Variants in COL6A2 observed in about 807,000 individuals in gnomAD.
COL6A2 encodes collagen type VI alpha 2 chain.
A neutral mutation model predicts 124.9 loss-of-function variants in COL6A2; 90 were observed. The ratio of observed to expected loss-of-function variants is 0.72; its 90% CI spans 0.61 to 0.86. The LOEUF (loss-of-function observed/expected upper bound fraction) is 0.86, where lower values mean the gene tolerates loss of function less well. Ranked by LOEUF, COL6A2 falls within the 40% of genes least tolerant of loss-of-function variation. The pLI is 0.00. For missense variants in COL6A2, 1,607 were observed against 1,502.5 expected (o/e 1.07, Z -1.15); for synonymous variants, 793 against 618.2 (o/e 1.28, Z -4.19).
At chr21:46,114,450 G>T (rs1258442394) in intron 5 of COL6A2, among the ~76,000 whole-genome samples, 2 of 150,158 alleles carry the variant, frequency 1.3e-5, no homozygotes, top group African/African-American at 4.9e-5. Context: ...AGAAAAGAAA[G>T]CCACATTTAA....
At chr21:46,122,444 A>C (rs996347373) in intron 19 of COL6A2, 52 bp from the exon 20 acceptor site, 1 of 1,609,530 alleles carries the variant, frequency 6.2e-7, no homozygotes, top group African/African-American at 1.3e-5. Flanking sequence ...AGAGGGAGGA[A>C]GGAGCACTGG....
chr21:46,106,518 C>T lies in COL6A2; in HGVS notation c.-27-4932C>T, dbSNP rs938531528. On this transcript the variant is annotated intron_variant, in intron 1 of 27. Coordinates refer to ENST00000300527, the MANE Select transcript of COL6A2 (RefSeq NM_001849.4). ...AAGGGATATAGGACAGTATCTGGTA[C>T]ACAATTATTATAGATTTTTCATTGA... is the stretch of plus-strand genomic sequence containing the variant. Among the ~76,000 whole-genome samples the T allele has an allele frequency of 7.2e-5, 11 of 152,320 alleles. No individual in the cohort carries two copies. In the South Asian group the frequency reaches 1.7e-3, roughly 23 times the overall value.
rs188390857 is a variant in COL6A2, at chr21:46,132,809, C to G, written c.*257C>G. On this transcript the variant is annotated 3_prime_UTR_variant, in exon 28 of 28. Coordinates refer to ENST00000300527, the MANE Select transcript of COL6A2 (RefSeq NM_001849.4). Reference sequence around the variant, plus strand: ...GCTCCTGACCTACCTGGCCCCTGAGCTCTGGAGCAAGCCCTGACCCAATAA... The same window carrying G: ...GCTCCTGACCTACCTGGCCCCTGAGGTCTGGAGCAAGCCCTGACCCAATAA... 2 of 572,032 alleles carry G rather than the reference C, an allele frequency of 3.5e-6. No individual in the cohort carries two copies. Among genetic ancestry groups the G allele is most frequent in the East Asian group, 2.9e-5 (1 of 34,090 alleles). 35.4% of individuals were successfully genotyped at this position (572,032 alleles called of 1,614,324 possible).
chr21:46,125,619 T>C lies in COL6A2; in HGVS notation c.1969+2T>C. On this transcript the variant is annotated splice_donor_variant, in intron 25 of 27. Coordinates refer to ENST00000300527, the MANE Select transcript of COL6A2 (RefSeq NM_001849.4). LOFTEE classifies it high-confidence loss of function. The stretch of plus-strand genomic sequence containing the variant: ...CTAAGGACCCCAAGTCCGAGACAGG[T>C]CAGCGGGGCAGGGGCGGGTGCAGCA... The C allele has an allele frequency of 6.3e-7, 1 of 1,596,290 alleles. No homozygotes were observed. The highest frequency in any genetic ancestry group is 8.6e-7 in the Non-Finnish European group (1 of 1,166,958).
rs2078641404 is a variant in COL6A2, at chr21:46,125,189, C to CCCCCAGGCCCAGG, written c.1771-68_1771-67insCAGGCCCCAGGCC. ...ACACGTGGGCTGGAATGTCCCGGGA[C>CCCCCAGGCCCAGG]CCCCAGGCCAGGACCTTGCTGTGGA... On this transcript the variant is annotated intron_variant, in intron 23 of 27. Coordinates refer to ENST00000300527, the MANE Select transcript of COL6A2 (RefSeq NM_001849.4). 7 of 1,394,714 alleles carry CCCCCAGGCCCAGG rather than the reference C, an allele frequency of 5.0e-6. No individual in the cohort carries two copies. In the South Asian group the frequency reaches 7.2e-5, roughly 14 times the overall value. 86.4% of individuals were successfully genotyped at this position (1,394,714 alleles called of 1,614,324 possible).
chr21:46,127,586 G>A (rs756377247), intron 27 of COL6A2, among the ~76,000 whole-genome samples: 3 of 152,208 alleles, frequency 2.0e-5, no homozygotes, highest in Non-Finnish European at 2.9e-5. Flanking sequence ...CACATCAGCA[G>A]CAGGGGCACC....
chr21:46,108,097 T>C (rs551534130), intron 1 of COL6A2, among the ~76,000 whole-genome samples: 2 of 138,862 alleles, frequency 1.4e-5, no homozygotes, highest in Non-Finnish European at 3.1e-5. Context: ...TCTGTCTATA[T>C]ATATATATAT....
chr21:46,117,624 A>G (rs2078492882), intron 11 of COL6A2, 171 bp downstream of exon 11: 1 of 789,388 alleles, frequency 1.3e-6, no homozygotes. Context: ...CATGTGAGGA[A>G]CTCCCCCTGG....
rs771466903 is a variant in COL6A2, at chr21:46,119,754, C to G, written c.1270-34C>G. Reference sequence around the variant, plus strand: ...CCACAGGCTCTGGGCTTGGACTCAGCCCCCTCCCTCACCCACACGCCTGTT... The same window carrying G: ...CCACAGGCTCTGGGCTTGGACTCAGGCCCCTCCCTCACCCACACGCCTGTT... On this transcript the variant is annotated intron_variant, in intron 14 of 27. Coordinates refer to ENST00000300527, the MANE Select transcript of COL6A2 (RefSeq NM_001849.4). 3 of 1,546,494 alleles carry G rather than the reference C, an allele frequency of 1.9e-6. No individual in the cohort carries two copies. The East Asian group carries it at 7.2e-5, about 37-fold the overall frequency.
intron 13 of COL6A2, 69 bp from the exon 14 acceptor site, chr21:46,118,961 A>G: frequency 8.0e-7 from 1 of 1,252,262 alleles, no homozygotes; most frequent in Non-Finnish European, 1.2e-6. Flanking sequence ...CACACCACAC[A>G]CCGCACAGGC....
chr21:46,124,744 C>G lies in COL6A2; in HGVS notation c.1734+31C>G, dbSNP rs752456873. ...TTGGTGGCCAGTCCCCATGCCCTCC[C>G]CCCAACCTGCCAGGCCAACACACAC... is the stretch of plus-strand genomic sequence containing the variant. On this transcript the variant is annotated intron_variant, in intron 22 of 27. Transcript: ENST00000300527. 5 of 1,609,400 alleles carry G rather than the reference C, an allele frequency of 3.1e-6. No individual in the cohort carries two copies. In the Admixed American group the frequency reaches 8.3e-5, roughly 27 times the overall value.
chr21:46,132,642 T>C lies in COL6A2; in HGVS notation c.*90T>C, dbSNP rs1294980942. On this transcript the variant is annotated 3_prime_UTR_variant, in exon 28 of 28. Coordinates refer to ENST00000300527, the MANE Select transcript of COL6A2 (RefSeq NM_001849.4). ...CCGGGTCCCACACGGCCAGCACCGC[T>C]GCTCACTCGGACGACGCCCTGGGCC... 2.3e-6 allele frequency: 3 copies of C among 1,309,464 alleles called. No homozygotes were observed. The highest frequency in any genetic ancestry group is 3.2e-6 in the Non-Finnish European group (3 of 941,564). 81.1% of individuals were successfully genotyped at this position (1,309,464 alleles called of 1,614,324 possible). A position where few individuals can be genotyped will look rare whatever the true frequency, so the allele number is the denominator to read the frequency against.
chr21:46,129,459 G>A (rs1259766272), intron 27 of COL6A2: 2 of 1,601,024 alleles, frequency 1.2e-6, no homozygotes, highest in Admixed American at 1.7e-5. Context: ...GGACATCGTG[G>A]GGGACCCCGA....
chr21:46,111,303 G>C, intron 1 of COL6A2, 147 bp from the exon 2 acceptor site: 1 of 595,618 alleles, frequency 1.7e-6, no homozygotes, highest in Non-Finnish European at 3.0e-6. Context: ...GCTGGTGACG[G>C]TGTGTGCTGG....
chr21:46,122,817 G>A (rs932894893), intron 20 of COL6A2, 58 bp from the exon 21 acceptor site: 9 of 1,515,034 alleles, frequency 5.9e-6, no homozygotes, highest in Admixed American at 3.3e-5. Flanking sequence ...AAATCTCACT[G>A]GTGTCCCTGG....
In COL6A2 at chr21:46,125,802, G is replaced by A. The variant is rs2123663062; in HGVS notation, c.1987G>A (p.Val663Met). 6.2e-7 allele frequency: 1 copy of A among 1,612,764 alleles called. No individual in the cohort carries two copies. The highest frequency in any genetic ancestry group is 8.5e-7 in the Non-Finnish European group (1 of 1,179,828). The change falls in exon 26 of 28, where the codon GTG becomes ATG. Residue 663 changes from valine (V) to methionine (M), a missense_variant. This residue lies in a region of COL6A2 where 1,223 missense variants were observed against 1,052.2 expected (regional missense o/e 1.16). Transcript: ENST00000300527. ...KSETGTRVGV[V>M]QYSHEGTFEA... ...GCTTGCAGGGACGCGTGTGGGCGTG[G>A]TGCAGTACAGCCACGAGGGCACCTT... is the stretch of plus-strand genomic sequence containing the variant.
intron 27 of COL6A2, among the ~76,000 whole-genome samples, chr21:46,127,373 G>A (rs972174070): frequency 6.6e-5 from 10 of 152,116 alleles, no homozygotes; most frequent in Admixed American, 3.3e-4. Flanking sequence ...GGTGAGCTGG[G>A]CCACTGAGCA....
chr21:46,119,190 G>A (rs1276162627), intron 14 of COL6A2, 71 bp downstream of exon 14: 2 of 1,195,590 alleles, frequency 1.7e-6, no homozygotes, highest in Non-Finnish European at 1.2e-6. Context: ...GAGGACCATG[G>A]GGGAAGGGCA....
At chr21:46,125,688 A>C in intron 25 of COL6A2, 71 bp downstream of exon 25, 1 of 1,591,650 alleles carries the variant, frequency 6.3e-7, no homozygotes. Flanking sequence ...GAGATGGGAG[A>C]AGTCCAGACG....
Sources: allele counts gnomAD v4.1 joint callset (sites outside exome capture counted in the v4.1 genomes callset), GRCh38; gene constraint gnomAD v4.1.1; regional missense constraint gnomAD v4.1.1; transcripts MANE v1.5; gene names NCBI Gene and HGNC (gene_info 2026-07-23, HGNC 2026-07-21).